The following SIPA1L2 variants were observed in gnomAD, a reference collection of about 807,000 sequenced individuals.
SIPA1L2 encodes signal-induced proliferation-associated 1-like protein 2.
Under a neutral mutation model 163.9 loss-of-function variants are expected in SIPA1L2, and 56 were observed. The observed-to-expected ratio is 0.34, with a 90% CI of 0.28 to 0.43. SIPA1L2 has a LOEUF of 0.43. SIPA1L2 is among the 20% of genes least tolerant of loss of function. The pLI is 1.00. For missense variants in SIPA1L2, 1,974 were observed against 2,193.5 expected (o/e 0.90, Z 2.00); for synonymous variants, 877 against 865.7 (o/e 1.01, Z -0.23).
intron 3 of SIPA1L2, 143 bp downstream of exon 3, chr1:232,513,714 C>A: frequency 1.2e-6 from 1 of 821,882 alleles, no homozygotes; most frequent in Non-Finnish European, 1.8e-6. Context: ...ATGGAGGGAC[C>A]ATGATGGAGA....
chr1:232,552,043 T>G (rs1233070683), intron 2 of SIPA1L2, among the ~76,000 whole-genome samples: 4 of 152,160 alleles, frequency 2.6e-5, no homozygotes, highest in Non-Finnish European at 4.4e-5. Context: ...TTTCACCATG[T>G]TGGCCAGGCT....
At chr1:232,448,319 C>T (rs1663337081) in intron 10 of SIPA1L2, among the ~76,000 whole-genome samples, 1 of 152,172 alleles carries the variant, frequency 6.6e-6, no homozygotes, top group Non-Finnish European at 1.5e-5. Context: ...ACCATGTTGG[C>T]AAACCAGTCA....
Position 232,514,003 on chromosome 1 carries a change from A to G in SIPA1L2, c.1337T>C (p.Leu446Pro). The G allele has an allele frequency of 6.2e-7, 1 of 1,614,204 alleles. No individual in the cohort carries two copies. Among genetic ancestry groups the G allele is most frequent in the South Asian group, 1.1e-5 (1 of 91,086 alleles). ...ACCTGCATTTGTGCAGTGAGAGCTG[A>G]GTGACGATTCGAAAGAGCAGCTTTC... is the stretch of plus-strand genomic sequence containing the variant. The part of the protein sequence containing the change: ...SGESCSFESS[L>P]SSHCTNAGVS... The change falls in exon 3 of 23, where the codon CTC (leucine) becomes CCC (proline). Residue 446 changes from leucine to proline, a missense_variant. By Grantham distance (98) the Leu-to-Pro change is moderately conservative (BLOSUM62 -3). Around this residue, in one of 3 missense-constraint regions of SIPA1L2, gnomAD observed 607 missense variants for 624.0 expected, o/e 0.97. Coordinates refer to ENST00000674635, the MANE Select transcript of SIPA1L2 (RefSeq NM_020808.5).
rs781526617 is a variant in SIPA1L2, at chr1:232,515,287, G to A, written c.53C>T (p.Ser18Phe). 6.2e-7 allele frequency: 1 copy of A among 1,613,212 alleles called. No homozygotes were observed. The change falls in exon 3 of 23, where the codon TCT becomes TTT. Residue 18 changes from serine (S) to phenylalanine (F), a missense_variant. This residue lies in a region of SIPA1L2 where 607 missense variants were observed against 624.0 expected (regional missense o/e 0.97). Coordinates refer to ENST00000674635, the MANE Select transcript of SIPA1L2 (RefSeq NM_020808.5). ...TCTAGGGGGATCCTTGAACTTTGAA[G>A]AGGCTCTGCCTAGCTTGTGCTTCTC... Reference protein sequence around the residue: ...QEEKHKLGRASSKFKDPPRIM... With the variant: ...QEEKHKLGRAFSKFKDPPRIM...
At chr1:232,418,342 C>T (rs1661379599) in intron 18 of SIPA1L2, among the ~76,000 whole-genome samples, 2 of 152,246 alleles carry the variant, frequency 1.3e-5, no homozygotes, top group African/African-American at 4.8e-5. Context: ...CTGGTCCCTC[C>T]TGCAGCTGTG....
chr1:232,422,789 T>C (rs1040409321), intron 18 of SIPA1L2, among the ~76,000 whole-genome samples: 11 of 152,236 alleles, frequency 7.2e-5, no homozygotes, highest in Admixed American at 3.9e-4. Flanking sequence ...CATTTCTCGC[T>C]CAAAGACATC....
intron 1 of SIPA1L2, among the ~76,000 whole-genome samples, chr1:232,625,801 T>A (rs997815426): frequency 6.6e-6 from 1 of 152,134 alleles, no homozygotes; most frequent in Non-Finnish European, 1.5e-5. Context: ...CTCAAAACCA[T>A]TAAAAGGTGG....
intron 2 of SIPA1L2, among the ~76,000 whole-genome samples, chr1:232,539,273 G>C (rs1157749109): frequency 2.0e-5 from 3 of 152,134 alleles, no homozygotes; most frequent in African/African-American, 7.2e-5. Flanking sequence ...CCTTAGGCAA[G>C]GCCTTGAGAG....
At chr1:232,493,228 T>C (rs1227718898) in intron 4 of SIPA1L2, among the ~76,000 whole-genome samples, 1 of 152,194 alleles carries the variant, frequency 6.6e-6, no homozygotes, top group African/African-American at 2.4e-5. Flanking sequence ...GTCAGGTTTC[T>C]TGTTAAGCCT....
At chr1:232,502,249 T>C (rs968725350) in intron 3 of SIPA1L2, among the ~76,000 whole-genome samples, 1 of 152,174 alleles carries the variant, frequency 6.6e-6, no homozygotes, top group African/African-American at 2.4e-5. Flanking sequence ...GGTATTATAG[T>C]TGACAGCAGG....
intron 3 of SIPA1L2, among the ~76,000 whole-genome samples, chr1:232,500,733 A>G (rs1319148286): frequency 1.3e-5 from 2 of 152,250 alleles, no homozygotes; most frequent in African/African-American, 2.4e-5. Context: ...TGTTGAAATA[A>G]CAACAAAGAA....
chr1:232,514,357 C>T lies in SIPA1L2; in HGVS notation c.983G>A (p.Cys328Tyr). 6.2e-7 allele frequency: 1 copy of T among 1,613,422 alleles called. No individual in the cohort carries two copies. The highest frequency in any genetic ancestry group is 1.1e-5 in the South Asian group (1 of 91,092). ...RGIRPWNCQR[C>Y]FAHYDVQSIL... ...GCTCTGGACATCATAATGTGCAAAA[C>T]ATCGCTGACAATTCCAAGGGCGAAT... The change falls in exon 3 of 23, where the codon TGT (cysteine) becomes TAT (tyrosine). Residue 328 changes from cysteine (C) to tyrosine (Y), a missense_variant. Transcript: ENST00000674635.
Position 232,514,690 on chromosome 1 carries a change from A to G in SIPA1L2, c.650T>C (p.Val217Ala). 6.2e-7 allele frequency: 1 copy of G among 1,614,206 alleles called. No homozygotes were observed. Among genetic ancestry groups the G allele is most frequent in the Non-Finnish European group, 8.5e-7 (1 of 1,180,034 alleles). ...CATTGCTTTGTGGTCATAATTTTCT[A>G]CTCGGTACCCTCTGAGCATAGCAAA... The part of the protein sequence containing the change: ...NFFAMLRGYR[V>A]ENYDHKAMVP... The change falls in exon 3 of 23, where the codon GTA becomes GCA. Residue 217 changes from valine (V) to alanine (A), a missense_variant. Transcript: ENST00000674635.
At position 232,514,698 on chromosome 1, in the gene SIPA1L2, C is replaced by CCCT. The variant is rs1436336092; in HGVS notation, c.639_641dup (p.Gly214dup). 6.2e-7 allele frequency: 1 copy of CCCT among 1,614,190 alleles called. No homozygotes were observed. On this transcript the variant is annotated inframe_insertion, in exon 3 of 23. Transcript: ENST00000674635. ...TGTGGTCATAATTTTCTACTCGGTA[C>CCCT]CCTCTGAGCATAGCAAAAAAGTTTT...
At chr1:232,440,506 A>G (rs1480802185) in intron 14 of SIPA1L2, among the ~76,000 whole-genome samples, 1 of 152,270 alleles carries the variant, frequency 6.6e-6, no homozygotes, top group Non-Finnish European at 1.5e-5. Flanking sequence ...TTAAATAGAT[A>G]CGGTGAGGCT....
At chr1:232,611,453 T>C (rs1429649068) in intron 1 of SIPA1L2, among the ~76,000 whole-genome samples, 2 of 152,108 alleles carry the variant, frequency 1.3e-5, no homozygotes, top group East Asian at 1.9e-4. Context: ...CTGAGACTCG[T>C]TGAATGGCTT....
intron 10 of SIPA1L2, among the ~76,000 whole-genome samples, chr1:232,460,667 CA>C (rs2102917402): frequency 6.6e-6 from 1 of 152,302 alleles, no homozygotes; most frequent in Admixed American, 6.5e-5. Context: ...AAATGCTTAG[CA>C]AATTATTTTT....
chr1:232,568,546 G>C (rs919894452), intron 2 of SIPA1L2, among the ~76,000 whole-genome samples: 4 of 152,100 alleles, frequency 2.6e-5, no homozygotes, highest in African/African-American at 9.7e-5. Flanking sequence ...AGGTGCTGCA[G>C]AAAAAAAGAG....
chr1:232,412,598 G>A (rs1216172378), intron 19 of SIPA1L2, among the ~76,000 whole-genome samples: 1 of 152,132 alleles, frequency 6.6e-6, no homozygotes, highest in Non-Finnish European at 1.5e-5. Context: ...TAAGGAGATT[G>A]ATCACGCTCA....
Sources: allele counts gnomAD v4.1 joint callset (sites outside exome capture counted in the v4.1 genomes callset), GRCh38; gene constraint gnomAD v4.1.1; regional missense constraint gnomAD v4.1.1; transcripts MANE v1.5; gene names NCBI Gene and HGNC (gene_info 2026-07-23, HGNC 2026-07-21).